Variants in ADGRV1 observed in about 807,000 individuals in gnomAD.
ADGRV1 encodes G-protein coupled receptor 98.
ADGRV1 carries 359 observed loss-of-function variants against 596.2 expected under a neutral mutation model. That is an observed-to-expected ratio of 0.60 (90% confidence interval 0.55 to 0.66). The LOEUF is 0.66. ADGRV1 is among the 30% of genes least tolerant of loss of function. ADGRV1 has a pLI of 0.00. For synonymous variants in ADGRV1, 2,681 were observed against 2,679.2 expected (o/e 1.00, Z -0.02); for missense variants, 7,274 against 7,575.6 (o/e 0.96, Z 1.48).
intron 83 of ADGRV1, among the ~76,000 whole-genome samples, chr5:90,913,238 A>T (rs954741140): frequency 6.6e-6 from 1 of 152,174 alleles, no homozygotes; most frequent in South Asian, 2.1e-4. Flanking sequence ...CATTTATCCC[A>T]TTACAGCTTT....
At chr5:91,119,421 G>T (rs1468256342) in intron 87 of ADGRV1, among the ~76,000 whole-genome samples, 1 of 152,150 alleles carries the variant, frequency 6.6e-6, no homozygotes, top group Non-Finnish European at 1.5e-5. Context: ...TCTTACAGCT[G>T]CAGGCCCTGA....
Position 91,161,459 on chromosome 5 carries a change from G to A in ADGRV1, c.18803-2323G>A, listed in dbSNP as rs139124672. ...TGTTTTTTGTTTTGTTTTGTAATGC[G>A]GAAATGCAGGCCCAATGTTGCCTGA... On this transcript the variant is annotated intron_variant, in intron 89 of 89. Coordinates refer to ENST00000405460, the MANE Select transcript of ADGRV1 (RefSeq NM_032119.4). Among the ~76,000 whole-genome samples, 660 of 151,000 alleles carry A rather than the reference G, an allele frequency of 4.4e-3. 4 individuals carry two copies. Among genetic ancestry groups the A allele is most frequent in the African/African-American group, 0.015 (617 of 41,198 alleles).
chr5:90,667,807 T>G (rs1771703786), intron 21 of ADGRV1, among the ~76,000 whole-genome samples: 1 of 152,176 alleles, frequency 6.6e-6, no homozygotes, highest in Admixed American at 6.5e-5. Context: ...GTCCTTTCTG[T>G]TTGTTAGTTT....
At chr5:90,707,811 C>A (rs1011058481) in intron 38 of ADGRV1, among the ~76,000 whole-genome samples, 4 of 151,884 alleles carry the variant, frequency 2.6e-5, no homozygotes, top group Non-Finnish European at 5.9e-5. Flanking sequence ...TCTTTGCAAC[C>A]TTTTCTGCTC....
chr5:90,635,075 A>G (rs1029547649), intron 9 of ADGRV1, 39 bp from the exon 10 acceptor site: 5 of 1,351,648 alleles, frequency 3.7e-6, no homozygotes, highest in Admixed American at 1.9e-5. Context: ...TTTATATTCT[A>G]TCAATTCTTA....
chr5:90,830,889 ATCAG>A (rs1022716788), intron 77 of ADGRV1, among the ~76,000 whole-genome samples: 3 of 152,162 alleles, frequency 2.0e-5, no homozygotes, highest in Admixed American at 2.0e-4. Flanking sequence ...GCCTCATTCA[ATCAG>A]TCAAAGTCCT....
chr5:91,121,740 A>G (rs894594558), intron 87 of ADGRV1, among the ~76,000 whole-genome samples: 1 of 152,032 alleles, frequency 6.6e-6, no homozygotes, highest in African/African-American at 2.4e-5. Flanking sequence ...TCAGCCAAAT[A>G]TGAGATACAG....
chr5:91,031,111 G>A, intron 85 of ADGRV1: 2 of 1,368,162 alleles, frequency 1.5e-6, no homozygotes, highest in East Asian at 2.3e-5. Context: ...ATCAGCTCTT[G>A]TACACAAGTA....
At chr5:90,888,190 G>T (rs915866653) in intron 83 of ADGRV1, among the ~76,000 whole-genome samples, 1 of 152,090 alleles carries the variant, frequency 6.6e-6, no homozygotes, top group Non-Finnish European at 1.5e-5. Flanking sequence ...ATGTTGACTA[G>T]TGGAACAGAG....
intron 83 of ADGRV1, among the ~76,000 whole-genome samples, chr5:90,882,792 CTAA>C (rs1727165235): frequency 6.6e-6 from 1 of 152,100 alleles, no homozygotes; most frequent in South Asian, 2.1e-4. Flanking sequence ...AAATAGTCAA[CTAA>C]TAAGTTCATG....
chr5:91,072,943 C>T (rs952729894), intron 86 of ADGRV1, among the ~76,000 whole-genome samples: 6 of 152,146 alleles, frequency 3.9e-5, no homozygotes, highest in Non-Finnish European at 7.4e-5. Flanking sequence ...CATTTCTCTC[C>T]GATTCTGAGA....
chr5:90,661,620 G>T (rs34490215), intron 21 of ADGRV1, among the ~76,000 whole-genome samples: 2 of 151,992 alleles, frequency 1.3e-5, no homozygotes, highest in Non-Finnish European at 2.9e-5. Context: ...TCAAAAACTC[G>T]TCTTACTATT....
At chr5:90,598,616 G>A (rs1403553980) in intron 1 of ADGRV1, among the ~76,000 whole-genome samples, 2 of 152,144 alleles carry the variant, frequency 1.3e-5, no homozygotes, top group Non-Finnish European at 2.9e-5. Context: ...ATCAGGTACC[G>A]GAGCTCAGTG....
chr5:90,930,613 A>C (rs1775152544), intron 83 of ADGRV1, among the ~76,000 whole-genome samples: 1 of 152,154 alleles, frequency 6.6e-6, no homozygotes, highest in Non-Finnish European at 1.5e-5. Context: ...CCAAAATTTT[A>C]ATTTTTAAAT....
At chr5:91,103,793 T>A (rs1009229086) in intron 87 of ADGRV1, among the ~76,000 whole-genome samples, 2 of 152,158 alleles carry the variant, frequency 1.3e-5, no homozygotes, top group Non-Finnish European at 2.9e-5. Context: ...ACACATTTAA[T>A]GCTTATTAAA....
chr5:91,131,859 T>C (rs1292942600), intron 87 of ADGRV1, among the ~76,000 whole-genome samples: 1 of 152,132 alleles, frequency 6.6e-6, no homozygotes, highest in Non-Finnish European at 1.5e-5. Context: ...TAGTCATAAA[T>C]TCCTTGAGTA....
chr5:90,978,152 A>G (rs933939821), intron 84 of ADGRV1, among the ~76,000 whole-genome samples: 6 of 152,080 alleles, frequency 3.9e-5, no homozygotes, highest in South Asian at 2.1e-4. Flanking sequence ...AAAATTAGCC[A>G]GGCATGGTGG....
In ADGRV1 at chr5:90,622,656, C is replaced by A; in HGVS notation, c.513C>A (p.Leu171=). 1 of 1,556,448 alleles carries A rather than the reference C, an allele frequency of 6.4e-7. No homozygotes were observed. The highest frequency in any genetic ancestry group is 8.7e-7 in the Non-Finnish European group (1 of 1,149,820). The change falls in exon 5 of 90, where the codon CTC becomes CTA. Residue 171 remains leucine, a synonymous_variant. Transcript: ENST00000405460. ...KGRNESMPLT[L]IREKGTYGMV... Reference sequence around the variant, plus strand: ...GAAATGAGTCTATGCCTCTTACTCTCATCAGGGAAAAGGGAACCTATGGAA... The same window carrying A: ...GAAATGAGTCTATGCCTCTTACTCTAATCAGGGAAAAGGGAACCTATGGAA...
At chr5:90,828,192 T>C (rs1764221263) in intron 76 of ADGRV1, among the ~76,000 whole-genome samples, 1 of 152,208 alleles carries the variant, frequency 6.6e-6, no homozygotes. Flanking sequence ...ACCAGCAGAC[T>C]ATATTTAGAC....
Sources: allele counts gnomAD v4.1 joint callset (sites outside exome capture counted in the v4.1 genomes callset), GRCh38; gene constraint gnomAD v4.1.1; transcripts MANE v1.5; gene names NCBI Gene and HGNC (gene_info 2026-07-23, HGNC 2026-07-21).